Variants in DENND1A observed in about 807,000 individuals in gnomAD.
The protein encoded by DENND1A is DENN domain containing 1A.
Under a neutral mutation model 113.7 loss-of-function variants are expected in DENND1A, and 51 were observed. The observed-to-expected ratio is 0.45, with a 90% CI of 0.36 to 0.57. The LOEUF (loss-of-function observed/expected upper bound fraction) is 0.57, where lower values mean the gene tolerates loss of function less well. DENND1A is among the 20% of genes least tolerant of loss of function. The probability of loss-of-function intolerance (pLI) is 0.00; values close to 1 mark genes in which losing one functional copy is unlikely to be tolerated. For missense variants in DENND1A, 1,258 were observed against 1,395.9 expected (o/e 0.90, Z 1.57); for synonymous variants, 565 against 570.8 (o/e 0.99, Z 0.14).
chr9:123,643,172 AC>A (rs1165049387), intron 9 of DENND1A, among the ~76,000 whole-genome samples: 1 of 152,158 alleles, frequency 6.6e-6, no homozygotes, highest in Non-Finnish European at 1.5e-5. Context: ...GCCACAGGGT[AC>A]CCGGTCCTGC....
rs903008317 is a variant in DENND1A at position 123,806,333 on chromosome 9, G to A, written c.89-13703C>T. On this transcript the variant is annotated intron_variant, in intron 2 of 23. Coordinates refer to ENST00000394215, the MANE Select transcript of DENND1A (RefSeq NM_001352964.2). ...TGCAGTGGCGTGATCTTGGCTCACC[G>A]CAACCTCTGCCTCCTGGGTTCAAGC... Among the ~76,000 whole-genome samples the A allele has an allele frequency of 1.8e-4, 27 of 151,994 alleles. No individual in the cohort carries two copies. In the Middle Eastern group the frequency reaches 0.01, roughly 57 times the overall value.
At chr9:123,714,742 G>T (rs2066864620) in intron 5 of DENND1A, among the ~76,000 whole-genome samples, 1 of 152,150 alleles carries the variant, frequency 6.6e-6, no homozygotes, top group Non-Finnish European at 1.5e-5. Flanking sequence ...TAAAACAATG[G>T]AGGAAGTGGG....
intron 13 of DENND1A, among the ~76,000 whole-genome samples, chr9:123,499,889 C>A (rs2052316243): frequency 6.6e-6 from 1 of 152,202 alleles, no homozygotes; most frequent in East Asian, 1.9e-4. Context: ...AGGATCTGGT[C>A]CTCTCCTCTC....
At chr9:123,754,909 T>C (rs1222993103) in intron 5 of DENND1A, among the ~76,000 whole-genome samples, 3 of 152,168 alleles carry the variant, frequency 2.0e-5, no homozygotes, top group Non-Finnish European at 4.4e-5. Flanking sequence ...AATACTTTTA[T>C]CAAAATTTGC....
chr9:123,592,892 G>C (rs1301848078), intron 11 of DENND1A, among the ~76,000 whole-genome samples: 1 of 152,170 alleles, frequency 6.6e-6, no homozygotes, highest in Non-Finnish European at 1.5e-5. Context: ...GACTTCACCA[G>C]GTTATTTTGG....
chr9:123,656,735 TG>T (rs1455298378), intron 8 of DENND1A, among the ~76,000 whole-genome samples: 1 of 152,212 alleles, frequency 6.6e-6, no homozygotes, highest in Admixed American at 6.5e-5. Flanking sequence ...TGGGCTGTAA[TG>T]CCACCATGGC....
chr9:123,918,113 CA>C (rs200189692), intron 1 of DENND1A, among the ~76,000 whole-genome samples: 14 of 142,364 alleles, frequency 9.8e-5, no homozygotes, highest in Non-Finnish European at 1.5e-5. Flanking sequence ...GACTCTGTCT[CA>C]AAAAAAATAA....
At chr9:123,620,416 T>G (rs571910978) in intron 10 of DENND1A, among the ~76,000 whole-genome samples, 12 of 152,142 alleles carry the variant, frequency 7.9e-5, no homozygotes, top group African/African-American at 2.4e-4. Flanking sequence ...AGGCTCCTCA[T>G]GTACAGCAAT....
At chr9:123,423,092 G>GTCAGCT in intron 19 of DENND1A, among the ~76,000 whole-genome samples, 1 of 152,286 alleles carries the variant, frequency 6.6e-6, no homozygotes, top group East Asian at 1.9e-4. Context: ...CCACTCCAGC[G>GTCAGCT]GCCATTCTGT....
chr9:123,640,784 G>C (rs2061989256), intron 9 of DENND1A, among the ~76,000 whole-genome samples: 1 of 152,214 alleles, frequency 6.6e-6, no homozygotes, highest in African/African-American at 2.4e-5. Context: ...TTTCACAGAA[G>C]AGGACAGAGG....
chr9:123,828,833 G>C (rs1289711346), intron 2 of DENND1A, among the ~76,000 whole-genome samples: 1 of 152,122 alleles, frequency 6.6e-6, no homozygotes, highest in African/African-American at 2.4e-5. Context: ...TGACAAGAAG[G>C]TTGCAGAACT....
At chr9:123,843,243 A>C (rs766431553) in intron 2 of DENND1A, 73 of 501,788 alleles carry the variant, frequency 1.5e-4, no homozygotes, top group Non-Finnish European at 2.5e-4. Flanking sequence ...ATCCCCTAAA[A>C]AAGTTCATTA....
At chr9:123,670,159 TATC>T in intron 7 of DENND1A, among the ~76,000 whole-genome samples, 1 of 152,364 alleles carries the variant, frequency 6.6e-6, no homozygotes, top group South Asian at 2.1e-4. Flanking sequence ...CTTTCAATTT[TATC>T]ATCATTTTGA....
intron 1 of DENND1A, among the ~76,000 whole-genome samples, chr9:123,908,844 C>G (rs1853407621): frequency 6.6e-6 from 1 of 152,234 alleles, no homozygotes. Context: ...CATCCCATTA[C>G]TGGGTATATA....
At chr9:123,446,873 G>A (rs2047345797) in intron 18 of DENND1A, among the ~76,000 whole-genome samples, 1 of 152,200 alleles carries the variant, frequency 6.6e-6, no homozygotes, top group African/African-American at 2.4e-5. Context: ...ACAAAGGGCT[G>A]TGAAATGGGC....
At chr9:123,659,757 T>C (rs1041538993) in intron 8 of DENND1A, among the ~76,000 whole-genome samples, 1 of 152,248 alleles carries the variant, frequency 6.6e-6, no homozygotes, top group Non-Finnish European at 1.5e-5. Flanking sequence ...AAATTCATGT[T>C]CTTTCCACTA....
At chr9:123,417,626 T>C (rs1396066879) in intron 19 of DENND1A, among the ~76,000 whole-genome samples, 1 of 152,232 alleles carries the variant, frequency 6.6e-6, no homozygotes, top group Non-Finnish European at 1.5e-5. Context: ...CTAATCCTTG[T>C]CCCTTCTGAA....
intron 12 of DENND1A, among the ~76,000 whole-genome samples, chr9:123,578,773 G>A (rs2058743669): frequency 6.6e-6 from 1 of 152,202 alleles, no homozygotes; most frequent in South Asian, 2.1e-4. Context: ...AGGTACACAA[G>A]GGGCTGTGGG....
intron 5 of DENND1A, among the ~76,000 whole-genome samples, chr9:123,708,551 GT>G (rs1164690625): frequency 1.3e-5 from 2 of 152,014 alleles, no homozygotes; most frequent in Non-Finnish European, 2.9e-5. Flanking sequence ...CAGAGTCTAA[GT>G]ATATTCATGA....
Sources: gnomAD v4.1 joint callset for allele counts (sites outside exome capture counted in the v4.1 genomes callset) on GRCh38, gnomAD v4.1.1 for gene constraint, MANE v1.5 for transcripts, NCBI Gene and HGNC (gene_info 2026-07-23, HGNC 2026-07-21) for gene names.